Variants in GPBP1L1 observed in about 807,000 individuals in gnomAD.
The protein encoded by GPBP1L1 is vasculin-like protein 1.
GPBP1L1 carries 23 observed loss-of-function variants against 52.5 expected under a neutral mutation model. The ratio of observed to expected loss-of-function variants is 0.44; its 90% confidence interval spans 0.32 to 0.62. The LOEUF (loss-of-function observed/expected upper bound fraction) is 0.62. GPBP1L1 is among the 20% of genes least tolerant of loss of function. The probability of loss-of-function intolerance (pLI) is 0.06; values close to 1 mark genes in which losing one functional copy is unlikely to be tolerated. For missense variants in GPBP1L1, 596 were observed against 579.3 expected, an observed-to-expected ratio of 1.03 and a Z score of -0.30; for synonymous variants, 243 against 203.1, an observed-to-expected ratio of 1.20 and a Z score of -1.67.
intron 8 of GPBP1L1, among the ~76,000 whole-genome samples, chr1:45,637,717 T>C (rs959522272): frequency 4.6e-5 from 7 of 152,172 alleles, no homozygotes; most frequent in Non-Finnish European, 1.0e-4. Flanking sequence ...TGCAGAATGC[T>C]TGCAGACATC....
chr1:45,668,836 G>A (rs1645041233), intron 2 of GPBP1L1, among the ~76,000 whole-genome samples: 1 of 136,642 alleles, frequency 7.3e-6, no homozygotes, highest in Admixed American at 7.3e-5. Flanking sequence ...AGCCAGGCAT[G>A]GTGGTGGGCG....
chr1:45,655,484 G>C lies in GPBP1L1; in HGVS notation c.61-165C>G, dbSNP rs1040521774. ...AGGGTACCCACAGGTGCCTAATTTAGAGAAGTCCTAGGTTATATATTCAAT... is the reference window on the plus strand; with the variant it reads ...AGGGTACCCACAGGTGCCTAATTTACAGAAGTCCTAGGTTATATATTCAAT... On this transcript the variant is annotated intron_variant, in intron 4 of 12. Coordinates refer to ENST00000355105, the MANE Select transcript of GPBP1L1 (RefSeq NM_021639.5). 6 of 663,348 alleles carry C rather than the reference G, an allele frequency of 9.0e-6. No homozygotes were observed. The Admixed American group carries it at 1.4e-4, about 16-fold the overall frequency. 41.1% of individuals were successfully genotyped at this position (663,348 alleles called of 1,614,324 possible). A position where few individuals can be genotyped will look rare whatever the true frequency, so the allele number is the denominator to read the frequency against.
intron 6 of GPBP1L1, among the ~76,000 whole-genome samples, chr1:45,649,454 CTTTT>C (rs145402694): frequency 6.8e-6 from 1 of 146,268 alleles, no homozygotes; most frequent in African/African-American, 2.5e-5. Flanking sequence ...TAATCTGGAG[CTTTT>C]TTTTTTTTCA....
rs545011578 is a variant in GPBP1L1, at chr1:45,638,716, G to A, written c.744+1494C>T. 1.2e-4 allele frequency among the ~76,000 whole-genome samples: 18 copies of A among 152,278 alleles called. No homozygotes were observed. The East Asian group carries it at 3.5e-3, about 29-fold the overall frequency. On this transcript the variant is annotated intron_variant, in intron 8 of 12. Transcript: ENST00000355105. Reference sequence around the variant, plus strand: ...GCACTTTGTGAGGTCAAGGTGGGAGGATGGCTTGAGCCCAGAAGTTCGAGA... The same window carrying A: ...GCACTTTGTGAGGTCAAGGTGGGAGAATGGCTTGAGCCCAGAAGTTCGAGA...
chr1:45,661,446 CAG>C (rs1280729373), intron 2 of GPBP1L1, among the ~76,000 whole-genome samples: 3 of 151,534 alleles, frequency 2.0e-5, no homozygotes, highest in Admixed American at 2.0e-4. Flanking sequence ...GTCATCTAAA[CAG>C]AGTTTGCTCT....
rs1383268053 is a variant in GPBP1L1 at position 45,662,156 on chromosome 1, G to T, written c.-1097-931C>A. Reference sequence around the variant, plus strand: ...TCAGGGGATACAAATTAGAAACAGGGTCTCACCCTATTGCCTAGGCTGGAG... The same window carrying T: ...TCAGGGGATACAAATTAGAAACAGGTTCTCACCCTATTGCCTAGGCTGGAG... On this transcript the variant is annotated intron_variant, in intron 2 of 12. Transcript: ENST00000355105. Among the ~76,000 whole-genome samples the T allele has an allele frequency of 2.0e-5, 3 of 152,070 alleles. No homozygotes were observed. In the East Asian group the frequency reaches 5.8e-4, roughly 29 times the overall value.
chr1:45,680,542 A>G (rs1269285174), intron 2 of GPBP1L1, among the ~76,000 whole-genome samples: 5 of 152,044 alleles, frequency 3.3e-5, no homozygotes, highest in African/African-American at 1.2e-4. Context: ...ACCAGCTGAG[A>G]CATACTTTTT....
chr1:45,687,757 G>A (rs1645308522), upstream of GPBP1L1: 1 of 152,254 alleles, frequency 6.6e-6, no homozygotes, highest in Admixed American at 6.5e-5. Context: ...TCCCAGCAAA[G>A]AAAATGGATG....
rs761677234 is a variant in GPBP1L1 at position 45,654,617 on chromosome 1, T to C, written c.403A>G (p.Lys135Glu). ...TCTTCCCTAATCTCCATAGGTGGCT[T>C]TTCCTGAAAAGCACACCCTTTCCGG... is the stretch of plus-strand genomic sequence containing the variant. ...HSRKGCAFQE[K>E]PPMEIREEKK... The change falls in exon 6 of 13, where the codon AAG (lysine) becomes GAG (glutamate). Residue 135 changes from lysine to glutamate, a missense_variant. Physicochemically the swap from Lys to Glu is moderately conservative, Grantham distance 56. Coordinates refer to ENST00000355105, the MANE Select transcript of GPBP1L1 (RefSeq NM_021639.5). 2 of 1,614,086 alleles carry C rather than the reference T, an allele frequency of 1.2e-6. No individual in the cohort carries two copies. Among genetic ancestry groups the C allele is most frequent in the African/African-American group, 1.3e-5 (1 of 74,934 alleles).
chr1:45,655,603 A>G (rs1644876540), intron 4 of GPBP1L1: 1 of 236,444 alleles, frequency 4.2e-6, no homozygotes, highest in South Asian at 8.9e-5. Context: ...AGCCTTGCAA[A>G]TATTCATAAA....
chr1:45,685,813 T>G (rs909232050), intron 1 of GPBP1L1, among the ~76,000 whole-genome samples, 193 bp from the exon 2 acceptor site: 1 of 151,674 alleles, frequency 6.6e-6, no homozygotes, highest in South Asian at 2.1e-4. Context: ...AGAAAAAAAA[T>G]AACACTTAAA....
chr1:45,640,551 T>G, intron 7 of GPBP1L1, 148 bp from the exon 8 acceptor site: 1 of 655,046 alleles, frequency 1.5e-6, no homozygotes. Context: ...TAATAGATAC[T>G]CTCAAAAGTG....
chr1:45,629,974 G>A (rs1185028664), intron 11 of GPBP1L1, among the ~76,000 whole-genome samples: 7 of 149,080 alleles, frequency 4.7e-5, no homozygotes, highest in Non-Finnish European at 1.0e-4. Context: ...TTTTTGGGAT[G>A]GAGTCTCACT....
intron 6 of GPBP1L1, among the ~76,000 whole-genome samples, chr1:45,648,279 T>C (rs1321847572): frequency 1.3e-5 from 2 of 152,208 alleles, no homozygotes; most frequent in Non-Finnish European, 1.5e-5. Context: ...CTTTTTACTT[T>C]GTACTAGTCA....
rs889048813 is a variant in GPBP1L1, at chr1:45,639,750, G to A, written c.744+460C>T. Among the ~76,000 whole-genome samples, 14 of 151,848 alleles carry A rather than the reference G, an allele frequency of 9.2e-5. No homozygotes were observed. In the East Asian group the frequency reaches 9.7e-4, roughly 10 times the overall value. ...AAAACACCGAGCCGGGTGTGGTGGC[G>A]GGCGCCTGTAGTCCCAGCTACTCGG... On this transcript the variant is annotated intron_variant, in intron 8 of 12. Coordinates refer to ENST00000355105, the MANE Select transcript of GPBP1L1 (RefSeq NM_021639.5).
At chr1:45,630,409 G>C in intron 11 of GPBP1L1, 73 bp downstream of exon 11, 2 of 1,537,156 alleles carry the variant, frequency 1.3e-6, no homozygotes, top group Non-Finnish European at 1.8e-6. Flanking sequence ...ATCTATCTGA[G>C]ATATCTTCTC....
chr1:45,664,090 T>C (rs755191574), intron 2 of GPBP1L1, among the ~76,000 whole-genome samples: 45 of 152,044 alleles, frequency 3.0e-4, no homozygotes, highest in Admixed American at 9.2e-4. Flanking sequence ...CCCAGCACTT[T>C]GGGAGGCCGA....
intron 9 of GPBP1L1, 43 bp from the exon 10 acceptor site, chr1:45,633,690 C>G (rs760245120): frequency 1.3e-6 from 2 of 1,599,160 alleles, no homozygotes; most frequent in Non-Finnish European, 1.7e-6. Context: ...CAGCAAAGAG[C>G]AAGAACTGGG....
intron 6 of GPBP1L1, 56 bp downstream of exon 6, chr1:45,654,487 A>G (rs962156257): frequency 1.1e-5 from 16 of 1,453,232 alleles, no homozygotes; most frequent in Admixed American, 2.1e-5. Flanking sequence ...ACAGGGTCTC[A>G]TATTTCAGAC....
Sources: gnomAD v4.1 joint callset for allele counts (sites outside exome capture counted in the v4.1 genomes callset) on GRCh38, gnomAD v4.1.1 for gene constraint, MANE v1.5 for transcripts, NCBI Gene and HGNC (gene_info 2026-07-23, HGNC 2026-07-21) for gene names.